Variants in DNAJC2 observed in about 807,000 individuals in gnomAD.
DNAJC2 encodes DnaJ heat shock protein family (Hsp40) member C2, also known as dnaJ homolog subfamily C member 2.
DNAJC2 carries 32 observed loss-of-function variants against 94.0 expected under a neutral mutation model. The ratio of observed to expected loss-of-function variants is 0.34; its 90% CI spans 0.26 to 0.46. The LOEUF (loss-of-function observed/expected upper bound fraction) is 0.46. DNAJC2 is among the 20% of genes least tolerant of loss of function. DNAJC2 has a pLI of 1.00. For synonymous variants in DNAJC2, 210 were observed against 229.7 expected, an observed-to-expected ratio of 0.91 and a Z score of 0.77; for missense variants, 550 against 719.5, an observed-to-expected ratio of 0.76 and a Z score of 2.69.
chr7:103,312,427 A>G lies in DNAJC2; in HGVS notation c.*142T>C. The G allele has an allele frequency of 3.3e-6, 5 of 1,510,640 alleles. No homozygotes were observed. Among genetic ancestry groups the G allele is most frequent in the Non-Finnish European group, 4.4e-6 (5 of 1,139,186 alleles). 93.6% of individuals were successfully genotyped at this position (1,510,640 alleles called of 1,614,324 possible). A position where few individuals can be genotyped will look rare whatever the true frequency, so the allele number is the denominator to read the frequency against. On this transcript the variant is annotated 3_prime_UTR_variant, in exon 17 of 17. Coordinates refer to ENST00000379263, the MANE Select transcript of DNAJC2 (RefSeq NM_014377.3). ...ACTACCCCTCTGAAGGTTGTTTTGT[A>G]TTAATGGTCAGTCTTTGTTCTCTGA... is the stretch of plus-strand genomic sequence containing the variant.
At chr7:103,315,902 A>C (rs757099021) in intron 14 of DNAJC2, 31 bp from the exon 15 acceptor site, 14 of 1,555,830 alleles carry the variant, frequency 9.0e-6, no homozygotes, top group Non-Finnish European at 1.2e-5. Flanking sequence ...AATACTTAAC[A>C]GATCATCATT....
chr7:103,333,463 T>C (rs1819049343), intron 3 of DNAJC2, among the ~76,000 whole-genome samples: 1 of 152,224 alleles, frequency 6.6e-6, no homozygotes, highest in Admixed American at 6.5e-5. Flanking sequence ...TCCAAGTGAC[T>C]GGTATTTTTG....
At position 103,316,901 on chromosome 7, in the gene DNAJC2, T is replaced by C; in HGVS notation, c.1356A>G (p.Lys452=). 1 of 1,614,068 alleles carries C rather than the reference T, an allele frequency of 6.2e-7. No homozygotes were observed. Among genetic ancestry groups the C allele is most frequent in the Non-Finnish European group, 8.5e-7 (1 of 1,180,000 alleles). ...ATTGTAGATCATCTTCTGACCAATT[T>C]TTACTTCCATTTCCACCTCCACCAG... The part of the protein sequence containing the change: ...KSTGGGGNGS[K]NWSEDDLQLL... Residue 452 remains lysine, a synonymous_variant, in exon 13 of 17, where the codon AAA becomes AAG. Transcript: ENST00000379263.
Position 103,341,940 on chromosome 7 carries a change from G to C in DNAJC2, c.79C>G (p.Gln27Glu). 6.2e-7 allele frequency: 1 copy of C among 1,603,428 alleles called. No homozygotes were observed. The highest frequency in any genetic ancestry group is 8.5e-7 in the Non-Finnish European group (1 of 1,175,800). Reference protein sequence around the residue: ...HALTSASTLCQVEPVGRWFEA... With the variant: ...HALTSASTLCEVEPVGRWFEA... ...AACCATCTTCCCACAGGTTCAACTTGACAGAGTGTAGAGGCTGTGATTGAA... is the reference window on the plus strand; with the variant it reads ...AACCATCTTCCCACAGGTTCAACTTCACAGAGTGTAGAGGCTGTGATTGAA... The change falls in exon 2 of 17, where the codon CAA becomes GAA. Residue 27 changes from glutamine to glutamate, a missense_variant. Around this residue, in one of 2 missense-constraint regions of DNAJC2, gnomAD observed 279 missense variants for 416.9 expected, o/e 0.67. Transcript: ENST00000379263.
At chr7:103,331,446 C>T (rs1818966254) in intron 3 of DNAJC2, among the ~76,000 whole-genome samples, 1 of 152,192 alleles carries the variant, frequency 6.6e-6, no homozygotes, top group Non-Finnish European at 1.5e-5. Context: ...CTACAGAACA[C>T]TGGGACTTAT....
chr7:103,339,623 T>TG (rs1350291584), intron 2 of DNAJC2, among the ~76,000 whole-genome samples: 6 of 151,842 alleles, frequency 4.0e-5, no homozygotes, highest in Admixed American at 3.9e-4. Context: ...TTTTTTGAGA[T>TG]GGAGTTTCAC....
chr7:103,336,148 C>CT (rs1286010137), intron 3 of DNAJC2: 4 of 152,160 alleles, frequency 2.6e-5, no homozygotes, highest in Non-Finnish European at 4.4e-5. Flanking sequence ...GCCTGCGCAA[C>CT]AAGTACGAAA....
chr7:103,342,535 C>T (rs1819414193), intron 1 of DNAJC2, among the ~76,000 whole-genome samples: 1 of 151,850 alleles, frequency 6.6e-6, no homozygotes, highest in South Asian at 2.1e-4. Context: ...GAACTCCCGA[C>T]CTCAGGTGAT....
chr7:103,333,772 T>C (rs1222402982), intron 3 of DNAJC2, among the ~76,000 whole-genome samples: 1 of 152,206 alleles, frequency 6.6e-6, no homozygotes, highest in Non-Finnish European at 1.5e-5. Flanking sequence ...CTGGCTTCTT[T>C]TACTCATGGT....
rs538091160 is a variant in DNAJC2 at position 103,319,684 on chromosome 7, G to GA, written c.1173-7dup. ...TTTCATTCAAGCACTGTAAGCTAAAGAAAAAAAAAGAAGAAATGAAACTTT... is the reference window on the plus strand; with the variant it reads ...TTTCATTCAAGCACTGTAAGCTAAAGAAAAAAAAAAGAAGAAATGAAACTTT... On this transcript the variant is annotated splice_polypyrimidine_tract_variant and splice_region_variant and intron_variant, in intron 11 of 16. Coordinates refer to ENST00000379263, the MANE Select transcript of DNAJC2 (RefSeq NM_014377.3). 1.4e-4 allele frequency: 225 copies of GA among 1,588,162 alleles called. No individual in the cohort carries two copies. The highest frequency in any genetic ancestry group is 1.7e-4 in the Middle Eastern group (1 of 5,962).
At chr7:103,332,780 T>C (rs1489188036) in intron 3 of DNAJC2, among the ~76,000 whole-genome samples, 11 of 152,022 alleles carry the variant, frequency 7.2e-5, no homozygotes, top group Non-Finnish European at 1.5e-5. Context: ...CGCACCACTA[T>C]GCCCAGCTAA....
intron 3 of DNAJC2, among the ~76,000 whole-genome samples, chr7:103,334,752 AG>A (rs1240775304): frequency 1.3e-5 from 2 of 152,048 alleles, no homozygotes; most frequent in African/African-American, 4.8e-5. Context: ...CTTGGCCTAT[AG>A]AAATCTTTTC....
At chr7:103,343,082 C>T (rs1197730874) in intron 1 of DNAJC2, among the ~76,000 whole-genome samples, 1 of 151,960 alleles carries the variant, frequency 6.6e-6, no homozygotes, top group Non-Finnish European at 1.5e-5. Flanking sequence ...TCACTGCAAC[C>T]TCCGCCTCCC....
intron 3 of DNAJC2, among the ~76,000 whole-genome samples, chr7:103,332,089 CT>C (rs1818998725): frequency 1.3e-5 from 2 of 151,054 alleles, no homozygotes; most frequent in South Asian, 4.2e-4. Context: ...ACTGCATGCT[CT>C]GCCTCTCGGG....
At chr7:103,327,811 G>A in intron 3 of DNAJC2, 57 bp from the exon 4 acceptor site, 2 of 1,102,192 alleles carry the variant, frequency 1.8e-6, no homozygotes, top group Non-Finnish European at 2.7e-6. Context: ...AAATAAAGAT[G>A]AGCTACATGT....
intron 2 of DNAJC2, among the ~76,000 whole-genome samples, chr7:103,340,290 C>T (rs1227742465): frequency 6.6e-6 from 1 of 152,210 alleles, no homozygotes; most frequent in Non-Finnish European, 1.5e-5. Context: ...TCCTCCTCTT[C>T]CTACCCCTTA....
intron 2 of DNAJC2, among the ~76,000 whole-genome samples, chr7:103,341,109 A>T (rs924264298): frequency 4.6e-5 from 7 of 152,122 alleles, no homozygotes; most frequent in Non-Finnish European, 8.8e-5. Context: ...TCTTCCTCAA[A>T]ACCCAGCCAC....
chr7:103,325,122 A>G (rs1406887213), intron 5 of DNAJC2, among the ~76,000 whole-genome samples: 1 of 152,058 alleles, frequency 6.6e-6, no homozygotes, highest in Non-Finnish European at 1.5e-5. Flanking sequence ...AAAATATACT[A>G]CTACTTTTTA....
chr7:103,332,411 A>C (rs1327374445), intron 3 of DNAJC2, among the ~76,000 whole-genome samples: 1 of 152,110 alleles, frequency 6.6e-6, no homozygotes, highest in Non-Finnish European at 1.5e-5. Flanking sequence ...TTGCATACTC[A>C]GATTACATTA....
Sources: allele counts gnomAD v4.1 joint callset (sites outside exome capture counted in the v4.1 genomes callset), GRCh38; gene constraint gnomAD v4.1.1; regional missense constraint gnomAD v4.1.1; transcripts MANE v1.5; gene names NCBI Gene and HGNC (gene_info 2026-07-23, HGNC 2026-07-21).